The following CSMD1 variants were observed in gnomAD, a reference collection of about 807,000 sequenced individuals.
CSMD1 encodes CUB and sushi domain-containing protein 1.
A neutral mutation model predicts 417.5 loss-of-function variants in CSMD1; 213 were observed. The observed-to-expected ratio is 0.51, with a 90% CI of 0.46 to 0.57. The LOEUF (loss-of-function observed/expected upper bound fraction) is 0.57. Among genes scored for constraint, CSMD1 ranks in the 20% least tolerant of loss-of-function variants. The pLI is 0.00. For synonymous variants in CSMD1, 2,862 were observed against 1,736.8 expected (o/e 1.65, Z -16.11); for missense variants, 6,923 against 4,529.7 (o/e 1.53, Z -15.17).
rs139435575 is a variant in CSMD1 at position 3,413,172 on chromosome 8, G to A, written c.1562-3567C>T. Among the ~76,000 whole-genome samples, 272 of 152,298 alleles carry A rather than the reference G, an allele frequency of 1.8e-3. 1 individual carries two copies. Among genetic ancestry groups the A allele is most frequent in the African/African-American group, 6.0e-3 (251 of 41,552 alleles). On this transcript the variant is annotated intron_variant, in intron 12 of 69. Transcript: ENST00000635120. ...GCACTGGAAATACAATTATTACTAT[G>A]ATTATTAGCAAGCCTTAAATGTTTC...
At chr8:4,915,218 A>C (rs1029256398) in intron 1 of CSMD1, among the ~76,000 whole-genome samples, 1 of 150,290 alleles carries the variant, frequency 6.7e-6, no homozygotes, top group African/African-American at 2.4e-5. Context: ...ATTTATACAT[A>C]ACATATATAT....
chr8:4,433,002 T>A (rs994593438), intron 2 of CSMD1, among the ~76,000 whole-genome samples: 2 of 152,068 alleles, frequency 1.3e-5, no homozygotes, highest in African/African-American at 4.8e-5. Flanking sequence ...AGCATTACAT[T>A]CCCACAGGAG....
chr8:3,212,780 G>A lies in CSMD1; in HGVS notation c.4867+1717C>T, dbSNP rs562246945. Among the ~76,000 whole-genome samples the A allele has an allele frequency of 8.9e-4, 135 of 151,814 alleles. 1 individual carries two copies. The highest frequency in any genetic ancestry group is 3.1e-3 in the African/African-American group (130 of 41,352). On this transcript the variant is annotated intron_variant, in intron 30 of 69. Transcript: ENST00000635120. ...AGAAATAGCAGAACACGCCAGGGAA[G>A]TAGGTTTTGTTTTATTTTGTTTTGC... is the stretch of plus-strand genomic sequence containing the variant.
chr8:4,690,714 G>T (rs1806712846), intron 1 of CSMD1, among the ~76,000 whole-genome samples: 1 of 152,042 alleles, frequency 6.6e-6, no homozygotes, highest in Admixed American at 6.6e-5. Context: ...TGTTTCACAG[G>T]GATCTGAAAT....
chr8:4,106,314 A>T (rs1801566006), intron 3 of CSMD1, among the ~76,000 whole-genome samples: 1 of 152,218 alleles, frequency 6.6e-6, no homozygotes, highest in East Asian at 1.9e-4. Context: ...CTTACCTCAA[A>T]TTCTAAAAGG....
intron 7 of CSMD1, among the ~76,000 whole-genome samples, chr8:3,693,023 C>G (rs1800338576): frequency 6.6e-6 from 1 of 152,148 alleles, no homozygotes; most frequent in African/African-American, 2.4e-5. Flanking sequence ...TTGGTAAACT[C>G]TTAAGAAGGT....
chr8:3,081,655 T>C (rs910683090), intron 49 of CSMD1, among the ~76,000 whole-genome samples: 29 of 152,250 alleles, frequency 1.9e-4, no homozygotes, highest in African/African-American at 6.3e-4. Context: ...AAATGTGAGA[T>C]ACTGTCAGAG....
chr8:3,772,364 C>CATATATACATATGTACATATATTT (rs1798632729), intron 5 of CSMD1, among the ~76,000 whole-genome samples: 1 of 107,560 alleles, frequency 9.3e-6, no homozygotes, highest in Non-Finnish European at 1.9e-5. Context: ...TTTATATATA[C>CATATATACATATGTACATATATTT]ATATATACAT....
chr8:3,711,736 G>C (rs968311945), intron 6 of CSMD1, among the ~76,000 whole-genome samples: 1 of 152,092 alleles, frequency 6.6e-6, no homozygotes, highest in Non-Finnish European at 1.5e-5. Flanking sequence ...CATCCAAAAT[G>C]GCAAACGTAT....
At chr8:3,298,838 A>C (rs915571430) in intron 25 of CSMD1, among the ~76,000 whole-genome samples, 13 of 152,206 alleles carry the variant, frequency 8.5e-5, no homozygotes, top group Admixed American at 5.9e-4. Context: ...CAATTTGAAT[A>C]GAGCTCAAAG....
chr8:4,144,356 T>C (rs1803981322), intron 3 of CSMD1, among the ~76,000 whole-genome samples: 1 of 151,138 alleles, frequency 6.6e-6, no homozygotes, highest in Admixed American at 6.6e-5. Context: ...TCTTCTGTAA[T>C]TTTCTGATAA....
At chr8:3,006,598 G>C (rs1374157739) in intron 52 of CSMD1, among the ~76,000 whole-genome samples, 1 of 151,366 alleles carries the variant, frequency 6.6e-6, no homozygotes, top group Non-Finnish European at 1.5e-5. Context: ...GAACAGAACA[G>C]AGCCCTCAGA....
chr8:2,935,378 T>C lies in CSMD1; in HGVS notation c.*3207A>G, dbSNP rs1801383125. The C allele has an allele frequency of 6.6e-6, 1 of 152,192 alleles. No individual in the cohort carries two copies. The highest frequency in any genetic ancestry group is 2.4e-5 in the African/African-American group (1 of 41,448). The allele number at this position is 152,192 out of a possible 1,614,324, so 9.4% of individuals were successfully genotyped here. A position where few individuals can be genotyped will look rare whatever the true frequency, so the allele number is the denominator to read the frequency against. On this transcript the variant is annotated 3_prime_UTR_variant, in exon 70 of 70. Coordinates refer to ENST00000635120, the MANE Select transcript of CSMD1 (RefSeq NM_033225.6). ...TAGAAATCTAAAATTAAATATTTAA[T>C]TAGAACTCTGATTTGCTTTAAAGAT...
chr8:4,136,614 A>C (rs1803451725), intron 3 of CSMD1, among the ~76,000 whole-genome samples: 1 of 152,228 alleles, frequency 6.6e-6, no homozygotes, highest in South Asian at 2.1e-4. Flanking sequence ...AGAGAGGTTG[A>C]ATATATTTCC....
chr8:4,798,054 G>A lies in CSMD1; in HGVS notation c.86-160496C>T, dbSNP rs2124956. 0.01 allele frequency among the ~76,000 whole-genome samples: 1,553 copies of A among 152,246 alleles called. 68 individuals carry two copies. The East Asian group carries it at 0.16, about 15-fold the overall frequency. ...ATACTTTAAGTTCTAGGGTACATGC[G>A]CACAACGTGCAGGTTTCTTAAGTAT... On this transcript the variant is annotated intron_variant, in intron 1 of 69. Coordinates refer to ENST00000635120, the MANE Select transcript of CSMD1 (RefSeq NM_033225.6).
intron 3 of CSMD1, among the ~76,000 whole-genome samples, chr8:4,120,801 G>T (rs1240446779): frequency 1.3e-5 from 2 of 152,200 alleles, no homozygotes; most frequent in East Asian, 3.9e-4. Context: ...AAAGACAGAA[G>T]CTCATGACAT....
At chr8:3,376,511 T>G (rs1810312183) in intron 18 of CSMD1, among the ~76,000 whole-genome samples, 1 of 152,066 alleles carries the variant, frequency 6.6e-6, no homozygotes. Context: ...TTTATCATGT[T>G]ACCTCCCATT....
At chr8:3,021,564 T>C (rs1809395592) in intron 51 of CSMD1, among the ~76,000 whole-genome samples, 1 of 152,254 alleles carries the variant, frequency 6.6e-6, no homozygotes, top group Non-Finnish European at 1.5e-5. Flanking sequence ...CAGTCCGCAG[T>C]GCTTCCTCTG....
intron 25 of CSMD1, among the ~76,000 whole-genome samples, chr8:3,306,394 G>C (rs75354003): frequency 1.3e-5 from 2 of 152,054 alleles, no homozygotes; most frequent in African/African-American, 4.8e-5. Flanking sequence ...GGCTGATCTC[G>C]AACTACTGAT....
Sources: gnomAD v4.1 joint callset for allele counts (sites outside exome capture counted in the v4.1 genomes callset) on GRCh38, gnomAD v4.1.1 for gene constraint, MANE v1.5 for transcripts, NCBI Gene and HGNC (gene_info 2026-07-23, HGNC 2026-07-21) for gene names.